The following TENM2 variants were observed in gnomAD, a reference collection of about 807,000 sequenced individuals.
The protein encoded by TENM2 is teneurin transmembrane protein 2.
TENM2 carries 52 observed loss-of-function variants against 245.2 expected under a neutral mutation model. The ratio of observed to expected loss-of-function variants is 0.21; its 90% confidence interval spans 0.17 to 0.27. The LOEUF is 0.27. Ranked by LOEUF, TENM2 falls within the 10% of genes least tolerant of loss-of-function variation. The probability of loss-of-function intolerance (pLI) is 1.00; values close to 1 mark genes in which losing one functional copy is unlikely to be tolerated. For synonymous variants in TENM2, 1,363 were observed against 1,438.9 expected (o/e 0.95, Z 1.19); for missense variants, 3,046 against 3,666.8 (o/e 0.83, Z 4.37).
intron 2 of TENM2, among the ~76,000 whole-genome samples, chr5:167,543,271 C>T (rs1772333080): frequency 6.6e-6 from 1 of 152,136 alleles, no homozygotes; most frequent in Non-Finnish European, 1.5e-5. Context: ...GTTGAGATGC[C>T]TCTTGAGACC....
chr5:167,506,196 C>A (rs1054190633), intron 2 of TENM2, among the ~76,000 whole-genome samples: 3 of 152,086 alleles, frequency 2.0e-5, no homozygotes, highest in African/African-American at 7.2e-5. Context: ...ATGTGTTTTC[C>A]ATTAGCATAT....
chr5:167,157,834 T>C, the TENM2 span, among the ~76,000 whole-genome samples: 1 of 152,228 alleles, frequency 6.6e-6, no homozygotes, highest in East Asian at 1.9e-4. Context: ...GTCTTACAAT[T>C]TGGAGATATG....
intron 2 of TENM2, among the ~76,000 whole-genome samples, chr5:167,619,212 T>C (rs1404516370): frequency 6.6e-6 from 1 of 152,134 alleles, no homozygotes; most frequent in Non-Finnish European, 1.5e-5. Context: ...CTCATCACTG[T>C]ATAGGTCAAT....
intron 2 of TENM2, among the ~76,000 whole-genome samples, chr5:167,779,918 A>C (rs1363446681): frequency 2.0e-5 from 3 of 152,208 alleles, no homozygotes; most frequent in Non-Finnish European, 4.4e-5. Flanking sequence ...TTTGGCCACG[A>C]ACAGTGTTGA....
chr5:167,996,497 T>A (rs1262445888), intron 5 of TENM2, among the ~76,000 whole-genome samples: 1 of 152,178 alleles, frequency 6.6e-6, no homozygotes. Context: ...CAAGAGACTT[T>A]CCTCTCAGGA....
At chr5:167,837,501 A>G (rs1028254084) in intron 2 of TENM2, among the ~76,000 whole-genome samples, 2 of 152,206 alleles carry the variant, frequency 1.3e-5, no homozygotes, top group East Asian at 3.8e-4. Context: ...TTACTAGTCT[A>G]AAACATAGCA....
chr5:168,081,477 T>C (rs183488722), intron 7 of TENM2, among the ~76,000 whole-genome samples: 5 of 152,326 alleles, frequency 3.3e-5, no homozygotes, highest in Admixed American at 6.5e-5. Context: ...GTCATTATGA[T>C]GTTAGGTGGT....
chr5:167,630,341 A>G (rs1778786319), intron 2 of TENM2, among the ~76,000 whole-genome samples: 1 of 152,064 alleles, frequency 6.6e-6, no homozygotes, highest in African/African-American at 2.4e-5. Context: ...TACCTGACAG[A>G]TGGGTGGAAA....
rs35680049 is a variant in TENM2, at chr5:167,897,890, GTT to G, written c.712+21714_712+21715del. 2.8e-3 allele frequency among the ~76,000 whole-genome samples: 250 copies of G among 89,238 alleles called. 1 individual carries two copies. Among genetic ancestry groups the G allele is most frequent in the East Asian group, 0.011 (25 of 2,324 alleles). 58.5% of individuals were successfully genotyped at this position (89,238 alleles called of 152,430 possible). On this transcript the variant is annotated intron_variant, in intron 3 of 28. Coordinates refer to ENST00000518659, the Ensembl canonical transcript of TENM2. The stretch of plus-strand genomic sequence containing the variant: ...TCAGTTGGGTAATCCGTAGTAAATT[GTT>G]TTTTTTTTTTTTTTTTTTGCATCTG...
Position 168,118,486 on chromosome 5 carries a change from G to C in TENM2, c.2008G>C (p.Val670Leu), listed in dbSNP as rs374104636. 13 of 1,521,036 alleles carry C rather than the reference G, an allele frequency of 8.5e-6. 1 individual carries two copies. Among genetic ancestry groups the C allele is most frequent in the African/African-American group, 4.1e-5 (3 of 73,476 alleles). The allele number at this position is 1,521,036 out of a possible 1,614,324, so 94.2% of individuals were successfully genotyped here. The change falls in exon 10 of 29, where the codon GTT becomes CTT. Residue 670 changes from valine to leucine, a missense_variant and splice_region_variant. By Grantham distance (32) the Val-to-Leu change is conservative. Around this residue, in one of 2 missense-constraint regions of TENM2, gnomAD observed 2,704 missense variants for 3,331.9 expected, o/e 0.81. Coordinates refer to ENST00000518659, the Ensembl canonical transcript of TENM2. ...CTACAAAGGCGAGCACTGTGAGGAA[G>C]GTAAGCCCGCCGGCCCCGGGGCTAG...
intron 2 of TENM2, among the ~76,000 whole-genome samples, chr5:167,450,742 G>A (rs1315017550): frequency 6.6e-6 from 1 of 152,146 alleles, no homozygotes; most frequent in Non-Finnish European, 1.5e-5. Flanking sequence ...CAGCATGTAT[G>A]TTCTCAACTT....
chr5:167,886,239 T>TATTAA lies in TENM2; in HGVS notation c.712+10044_712+10045insATTAA, dbSNP rs776303698. 1.3e-3 allele frequency among the ~76,000 whole-genome samples: 192 copies of TATTAA among 152,310 alleles called. 1 individual carries two copies. Among genetic ancestry groups the TATTAA allele is most frequent in the Non-Finnish European group, 1.7e-3 (119 of 68,030 alleles). On this transcript the variant is annotated intron_variant, in intron 3 of 28. Transcript: ENST00000518659. ...ATAGTTATTAAGCAGTACAAGAACT[T>TATTAA]GACCCAAAGAAACTGGTCTCCAGAG...
chr5:167,984,690 A>G (rs1783102716), intron 4 of TENM2, among the ~76,000 whole-genome samples: 1 of 152,160 alleles, frequency 6.6e-6, no homozygotes, highest in African/African-American at 2.4e-5. Flanking sequence ...TTTTTTTTGT[A>G]ATGTGTGCAT....
At chr5:167,428,833 C>T (rs1764037401) in intron 2 of TENM2, among the ~76,000 whole-genome samples, 1 of 152,156 alleles carries the variant, frequency 6.6e-6, no homozygotes, top group African/African-American at 2.4e-5. Context: ...TATTTCTTCT[C>T]TTTCTTAACA....
the TENM2 span, among the ~76,000 whole-genome samples, chr5:167,086,503 G>T: frequency 2.6e-5 from 4 of 152,228 alleles, no homozygotes; most frequent in East Asian, 7.7e-4. Context: ...TCAGGAGAAT[G>T]CCTAGCCAAT....
chr5:167,725,911 G>A (rs1390740500), intron 2 of TENM2, among the ~76,000 whole-genome samples: 2 of 151,952 alleles, frequency 1.3e-5, no homozygotes, highest in African/African-American at 4.8e-5. Flanking sequence ...ATCCATTAAG[G>A]CCCGCTTCAG....
intron 5 of TENM2, among the ~76,000 whole-genome samples, chr5:168,045,998 T>C (rs1788575157): frequency 6.6e-6 from 1 of 152,160 alleles, no homozygotes; most frequent in Admixed American, 6.5e-5. Context: ...TCTCAAGAAG[T>C]TGTAACAGTG....
chr5:167,408,682 T>C (rs555904485), intron 2 of TENM2, among the ~76,000 whole-genome samples: 3 of 151,968 alleles, frequency 2.0e-5, no homozygotes, highest in East Asian at 1.9e-4. Flanking sequence ...AGCAAGCTTA[T>C]TGAGTGTATT....
chr5:168,199,452 G>A (rs1456350952), intron 16 of TENM2, among the ~76,000 whole-genome samples: 2 of 152,192 alleles, frequency 1.3e-5, no homozygotes, highest in African/African-American at 2.4e-5. Context: ...TCGGTGTTAC[G>A]ACAGAGGGCA....
Sources: allele counts gnomAD v4.1 joint callset (sites outside exome capture counted in the v4.1 genomes callset), GRCh38; gene constraint gnomAD v4.1.1; regional missense constraint gnomAD v4.1.1; transcripts MANE v1.5; gene names NCBI Gene and HGNC (gene_info 2026-07-23, HGNC 2026-07-21).